RALGAPA1: variants seen among roughly 807,000 people sequenced by gnomAD.
RALGAPA1 encodes the protein ral GTPase-activating protein subunit alpha-1.
Under a neutral mutation model 269.6 loss-of-function variants are expected in RALGAPA1, and 52 were observed. The observed-to-expected ratio is 0.19, with a 90% CI of 0.15 to 0.24. The LOEUF (loss-of-function observed/expected upper bound fraction) is 0.24, where lower values mean the gene tolerates loss of function less well. RALGAPA1 is among the 10% of genes least tolerant of loss of function. The pLI is 1.00. For missense variants in RALGAPA1, 1,917 were observed against 3,013.9 expected, an observed-to-expected ratio of 0.64 and a Z score of 8.52; for synonymous variants, 817 against 1,008.3, an observed-to-expected ratio of 0.81 and a Z score of 3.60.
intron 39 of RALGAPA1, among the ~76,000 whole-genome samples, chr14:35,554,133 A>G (rs1257992496): frequency 1.3e-5 from 2 of 152,148 alleles, no homozygotes; most frequent in African/African-American, 2.4e-5. Flanking sequence ...TGTAACTTAA[A>G]GTAGCTGAAA....
intron 16 of RALGAPA1, among the ~76,000 whole-genome samples, chr14:35,703,576 A>C (rs1595217726): frequency 6.6e-6 from 1 of 152,346 alleles, no homozygotes; most frequent in East Asian, 1.9e-4. Flanking sequence ...GTCTTTAGGC[A>C]TACCTAGAAG....
At chr14:35,717,188 T>C (rs2068908371) in intron 16 of RALGAPA1, among the ~76,000 whole-genome samples, 1 of 152,200 alleles carries the variant, frequency 6.6e-6, no homozygotes, top group Non-Finnish European at 1.5e-5. Flanking sequence ...TTCGCTCTTG[T>C]TGCCCAAGCT....
intron 1 of RALGAPA1, among the ~76,000 whole-genome samples, chr14:35,797,179 C>G (rs985138414): frequency 2.6e-5 from 4 of 151,182 alleles, no homozygotes; most frequent in Admixed American, 6.6e-5. Context: ...ATGGTGAAAC[C>G]CCATCTCTAC....
chr14:35,627,154 G>T lies in RALGAPA1; in HGVS notation c.6793C>A (p.Gln2265Lys). ...EQDEPIPQKP[Q>K]SAFYYCRLLL... ...AATCTGCAATAATAAAATGCTGACT[G>T]AGGTTTTTGAGGTATTGGTTCATCT... The change falls in exon 34 of 42, where the codon CAG becomes AAG. Residue 2265 changes from glutamine to lysine, a missense_variant. Physicochemically the swap from Gln to Lys is moderately conservative, Grantham distance 53 (BLOSUM62 1). Around this residue, in one of 11 missense-constraint regions of RALGAPA1, gnomAD observed 132 missense variants for 271.2 expected, o/e 0.49. Coordinates refer to ENST00000680220, the MANE Select transcript of RALGAPA1 (RefSeq NM_001346249.2). The T allele has an allele frequency of 4.5e-6, 7 of 1,567,956 alleles. No homozygotes were observed. Among genetic ancestry groups the T allele is most frequent in the Non-Finnish European group, 6.0e-6 (7 of 1,164,006 alleles).
At chr14:35,636,117 C>T (rs143730149) in intron 31 of RALGAPA1, among the ~76,000 whole-genome samples, 17 of 152,052 alleles carry the variant, frequency 1.1e-4, no homozygotes, top group Non-Finnish European at 2.4e-4. Context: ...TGCTATATTG[C>T]CCAGGCTGGC....
chr14:35,702,462 T>C (rs1219359749), intron 16 of RALGAPA1, among the ~76,000 whole-genome samples: 1 of 152,148 alleles, frequency 6.6e-6, no homozygotes, highest in Non-Finnish European at 1.5e-5. Context: ...GTATTAAAGA[T>C]CAAGTGTATT....
chr14:35,630,704 G>T (rs945486203), intron 33 of RALGAPA1, among the ~76,000 whole-genome samples: 2 of 152,146 alleles, frequency 1.3e-5, no homozygotes, highest in Non-Finnish European at 2.9e-5. Flanking sequence ...AGACCAGCCT[G>T]GCCAACATGG....
At chr14:35,567,533 C>T (rs763705762) in intron 39 of RALGAPA1, among the ~76,000 whole-genome samples, 1 of 151,968 alleles carries the variant, frequency 6.6e-6, no homozygotes, top group Non-Finnish European at 1.5e-5. Context: ...TGTGACTTGG[C>T]CAAGATCACA....
At chr14:35,570,828 A>G (rs376719736) in intron 38 of RALGAPA1, 84 bp from the exon 39 acceptor site, 1 of 1,278,444 alleles carries the variant, frequency 7.8e-7, no homozygotes, top group East Asian at 2.6e-5. Flanking sequence ...TTGCATCCAA[A>G]AGTATTTCTG....
At chr14:35,646,140 T>C (rs1313992574) in intron 31 of RALGAPA1, among the ~76,000 whole-genome samples, 1 of 152,174 alleles carries the variant, frequency 6.6e-6, no homozygotes, top group East Asian at 1.9e-4. Context: ...GAAAAAATGA[T>C]GAATTAGGAA....
chr14:35,618,679 T>C (rs2060410370), intron 35 of RALGAPA1, among the ~76,000 whole-genome samples: 2 of 152,204 alleles, frequency 1.3e-5, no homozygotes, highest in African/African-American at 4.8e-5. Flanking sequence ...TAGATAATGA[T>C]TATATATCTA....
chr14:35,714,478 C>CTTTTTACCTTATATTTTTACCTTATA (rs2068632984), intron 16 of RALGAPA1, among the ~76,000 whole-genome samples: 2 of 152,096 alleles, frequency 1.3e-5, no homozygotes, highest in Non-Finnish European at 2.9e-5. Context: ...ATTGGGTTGT[C>CTTTTTACCTTATATTTTTACCTTATA]TTTTTACCTT....
chr14:35,552,947 T>C (rs181192078), intron 39 of RALGAPA1, among the ~76,000 whole-genome samples: 1 of 152,198 alleles, frequency 6.6e-6, no homozygotes, highest in Non-Finnish European at 1.5e-5. Flanking sequence ...CTCTTGATTT[T>C]AAGCTTCAAG....
At chr14:35,677,355 T>A (rs1446495691) in intron 22 of RALGAPA1, 2 of 153,166 alleles carry the variant, frequency 1.3e-5, no homozygotes, top group African/African-American at 4.8e-5. Context: ...ATGCCATAAA[T>A]GTGCATATTT....
intron 18 of RALGAPA1, 76 bp downstream of exon 18, chr14:35,688,383 T>C (rs2066143963): frequency 6.7e-7 from 1 of 1,503,396 alleles, no homozygotes; most frequent in Non-Finnish European, 8.9e-7. Flanking sequence ...TGATTGCTTA[T>C]AGCTTGCTTC....
At chr14:35,590,305 C>T (rs571835322) in intron 37 of RALGAPA1, among the ~76,000 whole-genome samples, 6 of 152,282 alleles carry the variant, frequency 3.9e-5, no homozygotes, top group African/African-American at 1.4e-4. Context: ...TAGCTATTAT[C>T]CATTTATTAG....
At chr14:35,708,084 C>A (rs906892193) in intron 16 of RALGAPA1, among the ~76,000 whole-genome samples, 1 of 152,070 alleles carries the variant, frequency 6.6e-6, no homozygotes, top group African/African-American at 2.4e-5. Flanking sequence ...AAACTAGATC[C>A]CTTTCTCCAT....
chr14:35,702,857 A>G (rs780772118), intron 16 of RALGAPA1, among the ~76,000 whole-genome samples: 68 of 150,982 alleles, frequency 4.5e-4, no homozygotes, highest in Middle Eastern at 6.8e-3. Context: ...CTCCTGCCTC[A>G]GCCTCCTGAG....
intron 39 of RALGAPA1, 52 bp downstream of exon 39, chr14:35,570,565 T>C (rs991740268): frequency 2.8e-5 from 39 of 1,406,990 alleles, no homozygotes; most frequent in Non-Finnish European, 3.4e-5. Flanking sequence ...ATATTTACCT[T>C]TGTGAGTAGA....
Sources: gnomAD v4.1 joint callset for allele counts (sites outside exome capture counted in the v4.1 genomes callset) on GRCh38, gnomAD v4.1.1 for gene constraint, gnomAD v4.1.1 regional missense constraint, MANE v1.5 for transcripts, NCBI Gene and HGNC (gene_info 2026-07-23, HGNC 2026-07-21) for gene names.